HDAC9: variants seen among roughly 807,000 people sequenced by gnomAD.
HDAC9 encodes MEF-2 interacting transcription repressor (MITR) protein.
In HDAC9, 41 loss-of-function variants were observed where a neutral mutation model predicts 139.4. The observed-to-expected ratio is 0.29, with a 90% confidence interval of 0.23 to 0.38. The LOEUF (loss-of-function observed/expected upper bound fraction) is 0.38. HDAC9 is among the 10% of genes least tolerant of loss of function. The pLI, the probability that HDAC9 is intolerant of heterozygous loss-of-function variation, is 1.00. For missense variants in HDAC9, 1,147 were observed against 1,297.0 expected, an observed-to-expected ratio of 0.88 and a Z score of 1.78; for synonymous variants, 517 against 476.2, an observed-to-expected ratio of 1.09 and a Z score of -1.12.
At position 18,140,843 on chromosome 7, in the gene HDAC9, A is replaced by G. The variant is rs988604572; in HGVS notation, c.-96-21386A>G. On this transcript the variant is annotated intron_variant, in intron 1 of 12. Coordinates refer to the HDAC9 transcript ENST00000417496. ...AAAATATCACCTTAAAAACAAAGCA[A>G]TTTCTTTGACACAGCATTTAATTTG... Among the ~76,000 whole-genome samples, 5 of 151,560 alleles carry G rather than the reference A, an allele frequency of 3.3e-5. No individual in the cohort carries two copies. In the East Asian group the frequency reaches 5.8e-4, roughly 18 times the overall value.
At chr7:18,833,869 A>T (rs1182707854) in intron 19 of HDAC9, among the ~76,000 whole-genome samples, 1 of 152,214 alleles carries the variant, frequency 6.6e-6, no homozygotes, top group Non-Finnish European at 1.5e-5. Context: ...GTGTCTAGTG[A>T]AGGAGTACTG....
intron 1 of HDAC9, among the ~76,000 whole-genome samples, chr7:18,377,929 T>C (rs560227800): frequency 6.6e-6 from 1 of 152,352 alleles, no homozygotes; most frequent in South Asian, 2.1e-4. Flanking sequence ...GAAAATGGTT[T>C]AATTTTACAT....
intron 1 of HDAC9, among the ~76,000 whole-genome samples, chr7:18,469,634 A>G (rs549086624): frequency 6.6e-6 from 1 of 152,182 alleles, no homozygotes; most frequent in Admixed American, 6.5e-5. Flanking sequence ...GACCTCATGC[A>G]AGAACACAAC....
rs1332236844 is a variant in HDAC9, at chr7:18,760,267, G to A, written c.2044-1890G>A. Among the ~76,000 whole-genome samples, 4 of 151,952 alleles carry A rather than the reference G, an allele frequency of 2.6e-5. No individual in the cohort carries two copies. In the East Asian group the frequency reaches 5.8e-4, roughly 22 times the overall value. ...TGGACTTACCATTATTTATCTTGAG[G>A]GATTCTCCACCCCCTGAAATCTCAC... On this transcript the variant is annotated intron_variant, in intron 14 of 25. Coordinates refer to ENST00000686413, the MANE Select transcript of HDAC9 (RefSeq NM_178425.4).
intron 2 of HDAC9, among the ~76,000 whole-genome samples, chr7:18,564,898 A>G (rs1821780307): frequency 6.6e-6 from 1 of 152,042 alleles, no homozygotes; most frequent in Non-Finnish European, 1.5e-5. Context: ...CCATGAATGT[A>G]ATGACCACAT....
intron 1 of HDAC9, among the ~76,000 whole-genome samples, chr7:18,438,875 C>G (rs1057267415): frequency 6.6e-6 from 1 of 151,852 alleles, no homozygotes; most frequent in African/African-American, 2.4e-5. Context: ...TTTTTAAAAC[C>G]AACAGAAATT....
At chr7:18,158,247 G>T (rs984581080) in intron 1 of HDAC9, among the ~76,000 whole-genome samples, 1 of 152,170 alleles carries the variant, frequency 6.6e-6, no homozygotes, top group East Asian at 1.9e-4. Context: ...TTATTGTGAT[G>T]TTCAAGGAAC....
intron 2 of HDAC9, among the ~76,000 whole-genome samples, chr7:18,244,130 C>G (rs1236288028): frequency 6.6e-6 from 1 of 151,878 alleles, no homozygotes; most frequent in African/African-American, 2.4e-5. Flanking sequence ...AGTAACTTCC[C>G]AAATACGAAC....
At chr7:18,817,101 C>G (rs1176299117) in intron 17 of HDAC9, among the ~76,000 whole-genome samples, 1 of 149,762 alleles carries the variant, frequency 6.7e-6, no homozygotes, top group African/African-American at 2.5e-5. Flanking sequence ...GTGGTGCGAT[C>G]TGGGCTCACT....
chr7:18,148,990 C>T (rs530979925), intron 1 of HDAC9, among the ~76,000 whole-genome samples: 1 of 152,222 alleles, frequency 6.6e-6, no homozygotes, highest in African/African-American at 2.4e-5. Context: ...ATACATTGTC[C>T]ACTTGACAGG....
At chr7:18,160,840 A>C (rs1019068) in intron 1 of HDAC9, among the ~76,000 whole-genome samples, 27,712 of 151,830 alleles carry the variant, frequency 0.18, 2,877 homozygotes, top group South Asian at 0.34. Context: ...CTGGTCTCAA[A>C]CTCCTGACCT....
chr7:18,203,968 T>C (rs888956093), intron 2 of HDAC9, among the ~76,000 whole-genome samples: 3 of 152,148 alleles, frequency 2.0e-5, no homozygotes, highest in African/African-American at 7.2e-5. Flanking sequence ...GCTTTCAATG[T>C]TTTGAAAGCT....
chr7:18,380,753 A>T (rs1785361864), intron 1 of HDAC9, among the ~76,000 whole-genome samples: 1 of 152,208 alleles, frequency 6.6e-6, no homozygotes, highest in South Asian at 2.1e-4. Flanking sequence ...TTTGTTTTTA[A>T]ACAAGTGCAT....
At chr7:18,475,126 A>G (rs1795015921) in intron 1 of HDAC9, among the ~76,000 whole-genome samples, 1 of 152,160 alleles carries the variant, frequency 6.6e-6, no homozygotes, top group Admixed American at 6.6e-5. Flanking sequence ...TGCCTAACAG[A>G]GCTCGGAAGG....
At chr7:18,950,692 G>A (rs945648238) in intron 23 of HDAC9, among the ~76,000 whole-genome samples, 1 of 151,978 alleles carries the variant, frequency 6.6e-6, no homozygotes, top group Non-Finnish European at 1.5e-5. Flanking sequence ...AGGGCCATAG[G>A]AGGGGAAGAA....
At chr7:18,706,036 C>T (rs146454862) in intron 12 of HDAC9, among the ~76,000 whole-genome samples, 4 of 151,944 alleles carry the variant, frequency 2.6e-5, no homozygotes, top group South Asian at 2.1e-4. Flanking sequence ...TACTGACCCA[C>T]AGACGTGAAT....
chr7:18,792,278 A>G (rs574653196), intron 16 of HDAC9, among the ~76,000 whole-genome samples: 274 of 151,462 alleles, frequency 1.8e-3, no homozygotes, highest in African/African-American at 6.4e-3. Context: ...AAAAAAAAAA[A>G]AAAAAGCTTT....
In HDAC9 at chr7:18,914,939, C is replaced by T. The variant is rs538240900; in HGVS notation, c.2804-20870C>T. Among the ~76,000 whole-genome samples, 41 of 152,090 alleles carry T rather than the reference C, an allele frequency of 2.7e-4. No homozygotes were observed. In the South Asian group the frequency reaches 8.1e-3, roughly 30 times the overall value. On this transcript the variant is annotated intron_variant, in intron 22 of 25. Transcript: ENST00000686413. ...CCAAGAAGAGATTATAGGAAAAAAGCAGAATGAGAAACATGATTTTGGGGA... is the reference window on the plus strand; with the variant it reads ...CCAAGAAGAGATTATAGGAAAAAAGTAGAATGAGAAACATGATTTTGGGGA...
chr7:18,625,803 G>A (rs921646561), intron 6 of HDAC9, among the ~76,000 whole-genome samples: 2 of 151,814 alleles, frequency 1.3e-5, no homozygotes, highest in Non-Finnish European at 2.9e-5. Flanking sequence ...AATTAGCCAG[G>A]CATGGTGGCA....
Sources: allele counts gnomAD v4.1 joint callset (sites outside exome capture counted in the v4.1 genomes callset), GRCh38; gene constraint gnomAD v4.1.1; transcripts MANE v1.5; gene names NCBI Gene and HGNC (gene_info 2026-07-23, HGNC 2026-07-21).